Variants in GPATCH1 observed in about 807,000 individuals in gnomAD.
GPATCH1 encodes the protein G patch domain-containing protein 1.
GPATCH1 carries 73 observed loss-of-function variants against 114.9 expected under a neutral mutation model. The ratio of observed to expected loss-of-function variants is 0.64; its 90% CI spans 0.53 to 0.77. GPATCH1 has a LOEUF of 0.77. Among genes scored for constraint, GPATCH1 ranks in the 30% least tolerant of loss-of-function variants. The probability of loss-of-function intolerance (pLI) is 0.00; values close to 1 mark genes in which losing one functional copy is unlikely to be tolerated. For synonymous variants in GPATCH1, 391 were observed against 428.4 expected (o/e 0.91, Z 1.08); for missense variants, 1,058 against 1,144.3 (o/e 0.92, Z 1.09).
chr19:33,107,186 G>A lies in GPATCH1; in HGVS notation c.1285+287G>A, dbSNP rs564434121. On this transcript the variant is annotated intron_variant, in intron 10 of 19. Transcript: ENST00000170564. ...TAACCTGGAACTCCTGGGTTCAAGC[G>A]TTCCTCCCACCTCAGACTCCCATGT... Among the ~76,000 whole-genome samples, 9 of 152,176 alleles carry A rather than the reference G, an allele frequency of 5.9e-5. 1 individual carries two copies. Among genetic ancestry groups the A allele is most frequent in the South Asian group, 4.1e-4 (2 of 4,820 alleles).
rs1972701411 is a variant in GPATCH1, at chr19:33,099,577, T to TC, written c.1000+1677dup. The stretch of plus-strand genomic sequence containing the variant: ...GAATCTATCTTTATTTTACCTAGTC[T>TC]CCACGGTTGATTTTTTACATTTTTA... On this transcript the variant is annotated intron_variant, in intron 8 of 19. Transcript: ENST00000170564. 1.2e-4 allele frequency among the ~76,000 whole-genome samples: 18 copies of TC among 151,854 alleles called. No individual in the cohort carries two copies. In the South Asian group the frequency reaches 3.7e-3, roughly 32 times the overall value.
rs1231660951 is a variant in GPATCH1 at position 33,121,599 on chromosome 19, G to A, written c.2521+2482G>A. On this transcript the variant is annotated intron_variant, in intron 17 of 19. Coordinates refer to ENST00000170564, the MANE Select transcript of GPATCH1 (RefSeq NM_018025.3). ...CTCCCAATGTGCTGGGATTTTAGGC[G>A]TGAGCCACCGCACCCGGCCGCCAAG... is the stretch of plus-strand genomic sequence containing the variant. Among the ~76,000 whole-genome samples, 5 of 151,688 alleles carry A rather than the reference G, an allele frequency of 3.3e-5. No homozygotes were observed. In the East Asian group the frequency reaches 5.8e-4, roughly 18 times the overall value.
intron 8 of GPATCH1, among the ~76,000 whole-genome samples, chr19:33,100,586 C>CA (rs10609716): frequency 0.014 from 844 of 60,876 alleles, 2 homozygotes; most frequent in East Asian, 0.025. Context: ...GACTCCATCT[C>CA]AAAAAAAAAA....
rs1192098426 is a variant in GPATCH1 at position 33,113,808 on chromosome 19, A to T, written c.1934A>T (p.Tyr645Phe). ...TTACCAAGAGTGAAGCGTGACAAGT[A>T]CTCAGTCTTCAACTTTCTGACGCTC... ...VGLPRVKRDK[Y>F]SVFNFLTLPE... The change falls in exon 14 of 20, where the codon TAC becomes TTC. Residue 645 changes from tyrosine (Y) to phenylalanine (F), a missense_variant. This residue lies in a region of GPATCH1 where 893 missense variants were observed against 977.4 expected (regional missense o/e 0.91). Coordinates refer to ENST00000170564, the MANE Select transcript of GPATCH1 (RefSeq NM_018025.3). The T allele has an allele frequency of 5.0e-6, 8 of 1,613,288 alleles. 1 individual carries two copies. In the South Asian group the frequency reaches 7.7e-5, roughly 16 times the overall value.
intron 1 of GPATCH1, among the ~76,000 whole-genome samples, chr19:33,084,058 C>G (rs1025616073): frequency 2.6e-5 from 4 of 152,210 alleles, no homozygotes; most frequent in Non-Finnish European, 5.9e-5. Flanking sequence ...GATCTGCCTG[C>G]CTCGGCCTCC....
At chr19:33,113,456 CAA>C (rs1568347447) in intron 13 of GPATCH1, 2 of 218,326 alleles carry the variant, frequency 9.2e-6, no homozygotes, top group Non-Finnish European at 1.8e-5. Context: ...GAAAAAAAAA[CAA>C]AACAAAAAGA....
chr19:33,111,749 C>T lies in GPATCH1; in HGVS notation c.1611C>T (p.Pro537=), dbSNP rs780960795. The T allele has an allele frequency of 7.4e-6, 12 of 1,613,988 alleles. No homozygotes were observed. Among genetic ancestry groups the T allele is most frequent in the African/African-American group, 1.3e-5 (1 of 74,918 alleles). The change falls in exon 12 of 20, where the codon CCC becomes CCT. Residue 537 remains proline (P), a synonymous_variant. Coordinates refer to ENST00000170564, the MANE Select transcript of GPATCH1 (RefSeq NM_018025.3). ...QKDALERCLD[P]SMTEWERGRE... ...ATGCTCTGGAACGCTGTCTGGACCC[C>T]AGCATGACAGAGTGGGAGCGAGGCC...
In GPATCH1 at chr19:33,102,316, CAA is replaced by C. The variant is rs552306523; in HGVS notation, c.1080+743_1080+744del. On this transcript the variant is annotated intron_variant, in intron 9 of 19. Transcript: ENST00000170564. The stretch of plus-strand genomic sequence containing the variant: ...CACCATTGCACTCCAGCTTGGGCGA[CAA>C]GAGCAAAACTCCGTATCGAAAAGAA... 2.4e-4 allele frequency among the ~76,000 whole-genome samples: 36 copies of C among 151,308 alleles called. 1 individual carries two copies. The South Asian group carries it at 6.9e-3, about 29-fold the overall frequency.
intron 1 of GPATCH1, among the ~76,000 whole-genome samples, chr19:33,081,950 C>T (rs11669456): frequency 0.28 from 36,181 of 126,956 alleles, 7,742 homozygotes; most frequent in East Asian, 0.48. Flanking sequence ...TCAAGTGATC[C>T]TCTCGCTTCT....
At position 33,122,380 on chromosome 19, in the gene GPATCH1, A is replaced by C. The variant is rs1331243202; in HGVS notation, c.2522-2725A>C. ...CGCTCTGTCACCCAGGCTGGAGTGC[A>C]GTGGCGCAATCTTGGCTCACTGCAA... On this transcript the variant is annotated intron_variant, in intron 17 of 19. Transcript: ENST00000170564. Among the ~76,000 whole-genome samples, 83 of 148,752 alleles carry C rather than the reference A, an allele frequency of 5.6e-4. 1 individual carries two copies.
At chr19:33,120,288 T>TATATAAAATTATATATAAAAATG (rs1972967519) in intron 17 of GPATCH1, among the ~76,000 whole-genome samples, 2 of 59,756 alleles carry the variant, frequency 3.3e-5, no homozygotes, top group African/African-American at 3.8e-4. Flanking sequence ...ATATAAAAAT[T>TATATAAAATTATATATAAAAATG]ATATATAAAA....
In GPATCH1 at chr19:33,090,800, G is replaced by A; in HGVS notation, c.229G>A (p.Val77Met). The change falls in exon 3 of 20, where the codon GTG becomes ATG. Residue 77 changes from valine (V) to methionine (M), a missense_variant. Physicochemically the swap from Val to Met is conservative, Grantham distance 21. Coordinates refer to ENST00000170564, the MANE Select transcript of GPATCH1 (RefSeq NM_018025.3). The part of the protein sequence containing the change: ...SKEGWTPSTF[V>M]SSRQNRADKS... ...TTCAGGATGGACACCCTCTACCTTT[G>A]TGTCTTCACGACAGAACAGAGCAGA... The A allele has an allele frequency of 6.2e-7, 1 of 1,611,452 alleles. No homozygotes were observed. Among genetic ancestry groups the A allele is most frequent in the Non-Finnish European group, 8.5e-7 (1 of 1,177,954 alleles).
chr19:33,096,297 G>C lies in GPATCH1; in HGVS notation c.703G>C (p.Gly235Arg). The change falls in exon 7 of 20, where the codon GGT (glycine) becomes CGT (arginine). Residue 235 changes from glycine (G) to arginine (R), a missense_variant. Physicochemically the swap from Gly to Arg is moderately radical, Grantham distance 125. Around this residue, in one of 3 missense-constraint regions of GPATCH1, gnomAD observed 893 missense variants for 977.4 expected, o/e 0.91. Coordinates refer to ENST00000170564, the MANE Select transcript of GPATCH1 (RefSeq NM_018025.3). ...TTTCACACCTAAAGATAATGTGCAT[G>C]GTCTAGCTTACAAGGGCCTGGATCC... ...VDFTPKDNVH[G>R]LAYKGLDPHQ... The C allele has an allele frequency of 6.2e-7, 1 of 1,614,134 alleles. No homozygotes were observed.
rs780126487 is a variant in GPATCH1, at chr19:33,112,602, C to G, written c.1881C>G (p.Asp627Glu). ...KLLCKRFNVP[D>E]PYPDSTLVGL... ...TATGTAAGAGATTTAATGTCCCTGA[C>G]CCTTATCCAGAGTAAGTTGGATAAA... Residue 627 changes from aspartate to glutamate, a missense_variant, in exon 13 of 20, where the codon GAC becomes GAG. Transcript: ENST00000170564. 6.2e-7 allele frequency: 1 copy of G among 1,613,684 alleles called. No individual in the cohort carries two copies. Among genetic ancestry groups the G allele is most frequent in the Non-Finnish European group, 8.5e-7 (1 of 1,179,688 alleles).
Position 33,130,058 on chromosome 19 carries a change from G to C in GPATCH1, c.2766-72G>C. On this transcript the variant is annotated intron_variant, in intron 19 of 19. Transcript: ENST00000170564. ...GATATGGGGAGGCCTGGCATTCTCA[G>C]CCTCCACGGAGCTGTTTGGTTTTTC... 7.0e-6 allele frequency: 8 copies of C among 1,145,346 alleles called. No homozygotes were observed. In the Admixed American group the frequency reaches 1.2e-4, roughly 17 times the overall value. The allele number at this position is 1,145,346 out of a possible 1,614,324, so 70.9% of individuals were successfully genotyped here.
chr19:33,094,905 C>G (rs1972638423), intron 5 of GPATCH1, among the ~76,000 whole-genome samples: 1 of 152,080 alleles, frequency 6.6e-6, no homozygotes. Context: ...TGACTCATAC[C>G]CATAATCCTG....
Position 33,114,328 on chromosome 19 carries a change from T to G in GPATCH1, c.2105T>G (p.Leu702Trp). Residue 702 changes from leucine (L) to tryptophan (W), a missense_variant, in exon 15 of 20, where the codon TTG becomes TGG. Leu to Trp is a moderately conservative substitution (Grantham distance 61, BLOSUM62 -2). Transcript: ENST00000170564. ...KEDSISEFLS[L>W]ARSKAEPPKQ... is the part of the protein sequence containing the mutation. The stretch of plus-strand genomic sequence containing the variant: ...GATTCCATTAGTGAATTTTTAAGTT[T>G]GGCTAGATCAAAAGCCGAGCCACCT... 1 of 1,613,536 alleles carries G rather than the reference T, an allele frequency of 6.2e-7. No individual in the cohort carries two copies. The highest frequency in any genetic ancestry group is 1.1e-5 in the South Asian group (1 of 91,068).
At chr19:33,084,904 G>C (rs1011467370) in intron 1 of GPATCH1, among the ~76,000 whole-genome samples, 4 of 151,982 alleles carry the variant, frequency 2.6e-5, no homozygotes, top group African/African-American at 9.7e-5. Context: ...CAGGTGATCC[G>C]CCCGCCTCGG....
Position 33,093,402 on chromosome 19 carries a change from C to T in GPATCH1, c.338C>T (p.Thr113Ile). The T allele has an allele frequency of 1.9e-6, 3 of 1,613,362 alleles. No individual in the cohort carries two copies. The highest frequency in any genetic ancestry group is 1.3e-5 in the African/African-American group (1 of 74,992). ...ATAGCACCTAAAGCGATTGTCACCACAGACGATTTTGCCTCCAAAACCAAA... is the reference window on the plus strand; with the variant it reads ...ATAGCACCTAAAGCGATTGTCACCATAGACGATTTTGCCTCCAAAACCAAA... ...FGIAPKAIVTTDDFASKTKDR... is the reference protein window; with the variant it reads ...FGIAPKAIVTIDDFASKTKDR... Residue 113 changes from threonine (T) to isoleucine (I), a missense_variant, in exon 4 of 20, where the codon ACA (threonine) becomes ATA (isoleucine). By Grantham distance (89) the Thr-to-Ile change is moderately conservative. Around this residue, in one of 3 missense-constraint regions of GPATCH1, gnomAD observed 34 missense variants for 59.6 expected, o/e 0.57. Coordinates refer to ENST00000170564, the MANE Select transcript of GPATCH1 (RefSeq NM_018025.3).
Sources: allele counts gnomAD v4.1 joint callset (sites outside exome capture counted in the v4.1 genomes callset), GRCh38; gene constraint gnomAD v4.1.1; regional missense constraint gnomAD v4.1.1; transcripts MANE v1.5; gene names NCBI Gene and HGNC (gene_info 2026-07-23, HGNC 2026-07-21).